The following MAGI2 variants were observed in gnomAD, a reference collection of about 807,000 sequenced individuals.
MAGI2 encodes the protein membrane associated guanylate kinase, WW and PDZ domain containing 2, also known as membrane-associated guanylate kinase, WW and PDZ domain-containing protein 2.
A neutral mutation model predicts 133.3 loss-of-function variants in MAGI2; 35 were observed. The ratio of observed to expected loss-of-function variants is 0.26; its 90% CI spans 0.20 to 0.35. The LOEUF (loss-of-function observed/expected upper bound fraction) is 0.35. MAGI2 is among the 10% of genes least tolerant of loss of function. The pLI, the probability that MAGI2 is intolerant of heterozygous loss-of-function variation, is 1.00. For missense variants in MAGI2, 1,636 were observed against 1,863.4 expected, an observed-to-expected ratio of 0.88 and a Z score of 2.25; for synonymous variants, 729 against 710.6, an observed-to-expected ratio of 1.03 and a Z score of -0.41.
At chr7:78,079,180 G>A in intron 20 of MAGI2, 95 bp from the exon 21 acceptor site, 2 of 1,245,116 alleles carry the variant, frequency 1.6e-6, no homozygotes, top group East Asian at 2.3e-5. Flanking sequence ...GATGACCTGA[G>A]AGCATCCGAA....
At chr7:79,196,472 T>G (rs1828092678) in intron 1 of MAGI2, among the ~76,000 whole-genome samples, 2 of 152,000 alleles carry the variant, frequency 1.3e-5, no homozygotes, top group Non-Finnish European at 2.9e-5. Context: ...GTTGTTATTT[T>G]TAGGCACTAT....
chr7:78,633,747 G>C (rs908368721), intron 2 of MAGI2, among the ~76,000 whole-genome samples: 1 of 150,630 alleles, frequency 6.6e-6, no homozygotes, highest in Non-Finnish European at 1.5e-5. Flanking sequence ...GCTGTGGTGT[G>C]ATAAAATGGT....
intron 3 of MAGI2, among the ~76,000 whole-genome samples, chr7:78,606,972 C>A (rs1225852904): frequency 6.6e-6 from 1 of 152,094 alleles, no homozygotes; most frequent in African/African-American, 2.4e-5. Context: ...CTAAATGTAA[C>A]TCAAATTTTC....
chr7:79,347,541 C>T (rs954133507), intron 1 of MAGI2, among the ~76,000 whole-genome samples: 4 of 151,766 alleles, frequency 2.6e-5, no homozygotes, highest in Non-Finnish European at 5.9e-5. Flanking sequence ...ATGTTACACA[C>T]GAATTATCTC....
intron 1 of MAGI2, among the ~76,000 whole-genome samples, chr7:79,241,427 CT>C (rs1832401139): frequency 6.6e-6 from 1 of 152,146 alleles, no homozygotes; most frequent in East Asian, 1.9e-4. Flanking sequence ...CTCCCTTATT[CT>C]GGGGAAGGGC....
At chr7:78,715,640 A>G (rs950163804) in intron 2 of MAGI2, among the ~76,000 whole-genome samples, 2 of 152,234 alleles carry the variant, frequency 1.3e-5, no homozygotes, top group Non-Finnish European at 2.9e-5. Context: ...TAAAAAGCAT[A>G]GAAGGGTGAA....
chr7:78,051,416 C>A (rs1811988722), intron 21 of MAGI2, among the ~76,000 whole-genome samples: 2 of 152,174 alleles, frequency 1.3e-5, no homozygotes, highest in Non-Finnish European at 2.9e-5. Context: ...ATAAAACAAA[C>A]TGTACATATA....
intron 2 of MAGI2, among the ~76,000 whole-genome samples, chr7:78,801,462 C>A (rs1359230319): frequency 6.6e-6 from 1 of 152,072 alleles, no homozygotes; most frequent in African/African-American, 2.4e-5. Flanking sequence ...CATTGTCTAT[C>A]CCAAAACCAT....
In MAGI2 at chr7:78,844,098, C is replaced by T. The variant is rs567915411; in HGVS notation, c.418+162992G>A. On this transcript the variant is annotated intron_variant, in intron 2 of 21. Transcript: ENST00000354212. ...TCTAATTTCAGAATTTTTTTTTCTG[C>T]ATTTACAGGCAAAAGAGATTGGAAA... Among the ~76,000 whole-genome samples the T allele has an allele frequency of 5.5e-4, 83 of 150,660 alleles. 1 individual carries two copies. The South Asian group carries it at 0.017, about 31-fold the overall frequency.
intron 1 of MAGI2, among the ~76,000 whole-genome samples, chr7:79,415,989 G>A (rs1352064515): frequency 6.6e-6 from 1 of 152,108 alleles, no homozygotes; most frequent in Non-Finnish European, 1.5e-5. Flanking sequence ...CTATTCGACA[G>A]CAAGAAAAAA....
intron 1 of MAGI2, among the ~76,000 whole-genome samples, chr7:79,237,953 G>A (rs537033352): frequency 2.6e-5 from 4 of 152,240 alleles, no homozygotes; most frequent in South Asian, 4.1e-4. Context: ...GCTCTGAGAC[G>A]ATCCTGAAAT....
intron 1 of MAGI2, among the ~76,000 whole-genome samples, chr7:79,038,262 A>G (rs116995119): frequency 0.037 from 5,583 of 152,282 alleles, 133 homozygotes; most frequent in Non-Finnish European, 0.053. Flanking sequence ...TTTATTTAGC[A>G]GATTACAGAT....
chr7:78,571,456 G>A (rs1801491118), intron 3 of MAGI2, among the ~76,000 whole-genome samples: 1 of 152,148 alleles, frequency 6.6e-6, no homozygotes, highest in Admixed American at 6.5e-5. Context: ...GCTTGAAATA[G>A]CAATTTATGC....
intron 21 of MAGI2, chr7:78,025,995 T>G (rs1808874739): frequency 6.6e-6 from 1 of 152,546 alleles, no homozygotes; most frequent in Admixed American, 6.5e-5. Context: ...ACAGGTAAGA[T>G]AGACTCTAAA....
chr7:78,761,168 T>C (rs1824467436), intron 2 of MAGI2, among the ~76,000 whole-genome samples: 1 of 152,180 alleles, frequency 6.6e-6, no homozygotes, highest in Non-Finnish European at 1.5e-5. Flanking sequence ...TAGCAGTCAG[T>C]GTATATAATA....
chr7:78,546,850 G>C (rs1798891344), intron 3 of MAGI2, among the ~76,000 whole-genome samples: 1 of 152,174 alleles, frequency 6.6e-6, no homozygotes, highest in Non-Finnish European at 1.5e-5. Flanking sequence ...CTACCACACA[G>C]AGTTGTTCTG....
intron 7 of MAGI2, among the ~76,000 whole-genome samples, chr7:78,363,649 C>T (rs926405823): frequency 6.6e-6 from 1 of 151,884 alleles, no homozygotes; most frequent in Non-Finnish European, 1.5e-5. Context: ...ATACTGTAAT[C>T]ATGAAAGTAT....
intron 2 of MAGI2, among the ~76,000 whole-genome samples, chr7:78,855,777 G>T (rs143385327): frequency 0.015 from 2,243 of 152,262 alleles, 47 homozygotes; most frequent in African/African-American, 0.052. Flanking sequence ...CCCAGTAATG[G>T]GATGGCTGGG....
chr7:79,126,432 A>G (rs1448606911), intron 1 of MAGI2, among the ~76,000 whole-genome samples: 1 of 152,160 alleles, frequency 6.6e-6, no homozygotes, highest in South Asian at 2.1e-4. Flanking sequence ...AACAAGAGCT[A>G]AAGTTCTCTT....
Sources: allele counts gnomAD v4.1 joint callset (sites outside exome capture counted in the v4.1 genomes callset), GRCh38; gene constraint gnomAD v4.1.1; transcripts MANE v1.5; gene names NCBI Gene and HGNC (gene_info 2026-07-23, HGNC 2026-07-21).